Variants in SLC22A4 observed in about 807,000 individuals in gnomAD.
The protein encoded by SLC22A4 is ET transporter.
In SLC22A4, 39 loss-of-function variants were observed where a neutral mutation model predicts 56.6. The ratio of observed to expected loss-of-function variants is 0.69; its 90% CI spans 0.53 to 0.90. The LOEUF is 0.90. SLC22A4 is among the 40% of genes least tolerant of loss of function. SLC22A4 has a pLI of 0.00. For missense variants in SLC22A4, 594 were observed against 696.5 expected, an observed-to-expected ratio of 0.85 and a Z score of 1.66; for synonymous variants, 241 against 281.4, an observed-to-expected ratio of 0.86 and a Z score of 1.44.
Position 132,344,186 on chromosome 5 carries a change from G to A in SLC22A4, c.*351G>A, listed in dbSNP as rs1209174836. On this transcript the variant is annotated 3_prime_UTR_variant, in exon 10 of 10. Coordinates refer to ENST00000200652, the MANE Select transcript of SLC22A4 (RefSeq NM_003059.3). Reference sequence around the variant, plus strand: ...ATAAAAATAACATCATTGTATTAACGCAAATATTAGGTGACAACAATGTGT... The same window carrying A: ...ATAAAAATAACATCATTGTATTAACACAAATATTAGGTGACAACAATGTGT... The A allele has an allele frequency of 9.1e-6, 2 of 219,854 alleles. No homozygotes were observed. Among genetic ancestry groups the A allele is most frequent in the East Asian group, 1.1e-4 (1 of 9,126 alleles). 13.6% of individuals were successfully genotyped at this position (219,854 alleles called of 1,614,324 possible). A position where few individuals can be genotyped will look rare whatever the true frequency, so the allele number is the denominator to read the frequency against.
chr5:132,316,072 A>G (rs1263682501), intron 3 of SLC22A4, among the ~76,000 whole-genome samples: 2 of 152,182 alleles, frequency 1.3e-5, no homozygotes, highest in Non-Finnish European at 2.9e-5. Context: ...AATAAACCAA[A>G]GGGTGTGGTC....
At chr5:132,298,555 C>T (rs1023291442) in intron 1 of SLC22A4, among the ~76,000 whole-genome samples, 6 of 152,134 alleles carry the variant, frequency 3.9e-5, no homozygotes, top group Admixed American at 6.5e-5. Context: ...ACAGTGTGAA[C>T]GCTTCTGAAC....
chr5:132,329,379 T>A (rs1265232174), intron 5 of SLC22A4, among the ~76,000 whole-genome samples: 3 of 151,934 alleles, frequency 2.0e-5, no homozygotes, highest in African/African-American at 7.3e-5. Context: ...TTTAGGAGGA[T>A]CTGCAGAGCC....
Position 132,335,864 on chromosome 5 carries a change from G to A in SLC22A4, c.1308G>A (p.Gly436=), listed in dbSNP as rs764924147. The change falls in exon 8 of 10, where the codon GGG becomes GGA. Residue 436 remains glycine (G), a synonymous_variant. Coordinates refer to ENST00000200652, the MANE Select transcript of SLC22A4 (RefSeq NM_003059.3). ...SIGLVMLGKF[G]ITSAFSMLYV... ...GTCTGGTCATGCTGGGAAAATTTGG[G>A]ATCACCTCTGCTTTCTCCATGCTGT... 3.7e-6 allele frequency: 6 copies of A among 1,614,078 alleles called. No individual in the cohort carries two copies. Among genetic ancestry groups the A allele is most frequent in the Middle Eastern group, 1.6e-4 (1 of 6,062 alleles).
intron 8 of SLC22A4, among the ~76,000 whole-genome samples, chr5:132,338,507 C>T (rs1446592097): frequency 6.6e-6 from 1 of 152,140 alleles, no homozygotes; most frequent in Non-Finnish European, 1.5e-5. Flanking sequence ...TGGGAATTTC[C>T]TCATCCTAAC....
In SLC22A4 at chr5:132,331,789, A is replaced by G. The variant is rs939403586; in HGVS notation, c.985A>G (p.Ile329Val). The change falls in exon 6 of 10, where the codon ATT (isoleucine) becomes GTT (valine). Residue 329 changes from isoleucine (I) to valine (V), a missense_variant. Transcript: ENST00000200652. ...TCCCCTGAAGCAGCAGAAAGCTTTC[A>G]TTCTGGACCTGTTCAGGACTCGGAA... is the stretch of plus-strand genomic sequence containing the variant. ...LNPLKQQKAF[I>V]LDLFRTRNIA... The G allele has an allele frequency of 1.8e-5, 29 of 1,613,786 alleles. No individual in the cohort carries two copies. The highest frequency in any genetic ancestry group is 2.4e-5 in the Non-Finnish European group (28 of 1,179,784).
chr5:132,335,963 A>G lies in SLC22A4; in HGVS notation c.1407A>G (p.Arg469=). ...TGGGGGTCACATCCACGGCCTCCAG[A>G]GTGGGCAGCATCATTGCCCCCTACT... is the stretch of plus-strand genomic sequence containing the variant. ...MAVGVTSTAS[R]VGSIIAPYFV... Residue 469 remains arginine (R), a synonymous_variant, in exon 8 of 10, where the codon AGA becomes AGG. Coordinates refer to ENST00000200652, the MANE Select transcript of SLC22A4 (RefSeq NM_003059.3). 1 of 1,614,172 alleles carries G rather than the reference A, an allele frequency of 6.2e-7. No homozygotes were observed. The highest frequency in any genetic ancestry group is 1.7e-4 in the Middle Eastern group (1 of 6,060).
chr5:132,327,446 T>C (rs927326901), intron 5 of SLC22A4, 43 bp downstream of exon 5: 9 of 1,574,020 alleles, frequency 5.7e-6, no homozygotes, highest in African/African-American at 1.4e-5. Flanking sequence ...AGCTATGCAT[T>C]CTTGATTTTA....
chr5:132,294,613 A>G lies in SLC22A4; in HGVS notation c.-4A>G. The G allele has an allele frequency of 6.2e-7, 1 of 1,614,124 alleles. No homozygotes were observed. The highest frequency in any genetic ancestry group is 2.2e-5 in the East Asian group (1 of 44,856). ...TTGCAAGTTTCGGAGCGGCAGTGGG[A>G]AGCATGCGGGACTACGACGAGGTGA... On this transcript the variant is annotated 5_prime_UTR_variant, in exon 1 of 10. Coordinates refer to ENST00000200652, the MANE Select transcript of SLC22A4 (RefSeq NM_003059.3). The surrounding 1 kb of genome is among the most constrained non-coding windows in gnomAD (Gnocchi z 5.6).
intron 3 of SLC22A4, 21 bp from the exon 4 acceptor site, chr5:132,322,163 C>T (rs972139605): frequency 3.1e-6 from 5 of 1,605,264 alleles, no homozygotes; most frequent in Non-Finnish European, 4.3e-6. Context: ...TATGCTAATA[C>T]TCCTCCCTTG....
At position 132,294,540 on chromosome 5, in the gene SLC22A4, C is replaced by G. The variant is rs1749727414; in HGVS notation, c.-77C>G. 1.0e-5 allele frequency: 16 copies of G among 1,600,140 alleles called. No individual in the cohort carries two copies. Among genetic ancestry groups the G allele is most frequent in the Non-Finnish European group, 1.3e-5 (15 of 1,170,718 alleles). On this transcript the variant is annotated 5_prime_UTR_variant, in exon 1 of 10. Transcript: ENST00000200652. This position sits in a 1 kb window ranked among gnomAD's most constrained non-coding sequence, Gnocchi z 5.6. ...GGAACGTTCTAACATCCTTGGGGAGCGCCCCAGCTACAAGACACTGTCCTG... is the reference window on the plus strand; with the variant it reads ...GGAACGTTCTAACATCCTTGGGGAGGGCCCCAGCTACAAGACACTGTCCTG...
chr5:132,331,647 T>C, intron 5 of SLC22A4, 109 bp from the exon 6 acceptor site: 1 of 809,786 alleles, frequency 1.2e-6, no homozygotes, highest in Non-Finnish European at 2.2e-6. Context: ...CTAAGCATAG[T>C]CAAGGTGAAG....
chr5:132,299,294 G>A (rs758433954), intron 1 of SLC22A4, among the ~76,000 whole-genome samples: 21 of 152,210 alleles, frequency 1.4e-4, no homozygotes, highest in Non-Finnish European at 1.9e-4. Flanking sequence ...GCATTCGTCT[G>A]TGTGTGTACA....
In SLC22A4 at chr5:132,335,817, GATT is replaced by G. The variant is rs561053135; in HGVS notation, c.1266_1268del (p.Tyr423del). The G allele has an allele frequency of 4.3e-4, 698 of 1,613,350 alleles. 1 individual carries two copies. The highest frequency in any genetic ancestry group is 5.6e-4 in the Non-Finnish European group (661 of 1,179,296). On this transcript the variant is annotated inframe_deletion and splice_region_variant, in exon 8 of 10. Transcript: ENST00000200652. The stretch of plus-strand genomic sequence containing the variant: ...TTGTTTATACCGGGTCTCTTTTCCA[GATT>G]ATTACTTCTTATCCATTGGTCTGGT...
At chr5:132,314,803 A>G (rs1178042998) in intron 3 of SLC22A4, among the ~76,000 whole-genome samples, 1 of 152,046 alleles carries the variant, frequency 6.6e-6, no homozygotes, top group African/African-American at 2.4e-5. Flanking sequence ...AAATATTCCA[A>G]CTCTACTCCT....
At chr5:132,321,978 T>C (rs1750554196) in intron 3 of SLC22A4, among the ~76,000 whole-genome samples, 1 of 152,130 alleles carries the variant, frequency 6.6e-6, no homozygotes, top group Non-Finnish European at 1.5e-5. Context: ...TAAAATCTCA[T>C]AGAAATTCAA....
intron 2 of SLC22A4, 65 bp downstream of exon 2, chr5:132,312,329 C>A: frequency 2.0e-6 from 2 of 1,020,010 alleles, no homozygotes; most frequent in Non-Finnish European, 3.1e-6. Context: ...TATCTTGGGG[C>A]TGGACTGAAT....
intron 2 of SLC22A4, among the ~76,000 whole-genome samples, 168 bp from the exon 3 acceptor site, chr5:132,313,446 T>C (rs528144935): frequency 4.5e-4 from 68 of 152,312 alleles, no homozygotes; most frequent in Non-Finnish European, 7.1e-4. Flanking sequence ...CCTGAGCAGA[T>C]GGATGCCTGA....
intron 3 of SLC22A4, among the ~76,000 whole-genome samples, chr5:132,315,368 G>A (rs1750314940): frequency 6.6e-6 from 1 of 152,182 alleles, no homozygotes; most frequent in Admixed American, 6.5e-5. Context: ...CTCTCCGTGG[G>A]AATGGGAACA....
Sources: allele counts gnomAD v4.1 joint callset (sites outside exome capture counted in the v4.1 genomes callset), GRCh38; gene constraint gnomAD v4.1.1; non-coding constraint Gnocchi (gnomAD v3.1); transcripts MANE v1.5; gene names NCBI Gene and HGNC (gene_info 2026-07-23, HGNC 2026-07-21).